Variants in STXBP3 observed in about 807,000 individuals in gnomAD.
The protein encoded by STXBP3 is syntaxin binding protein 3.
A neutral mutation model predicts 85.7 loss-of-function variants in STXBP3; 41 were observed. The ratio of observed to expected loss-of-function variants is 0.48; its 90% confidence interval spans 0.37 to 0.62. The LOEUF (loss-of-function observed/expected upper bound fraction) is 0.62, where lower values mean the gene tolerates loss of function less well. Ranked by LOEUF, STXBP3 falls within the 20% of genes least tolerant of loss-of-function variation. The probability of loss-of-function intolerance (pLI) is 0.00; values close to 1 mark genes in which losing one functional copy is unlikely to be tolerated. For missense variants in STXBP3, 563 were observed against 703.1 expected (o/e 0.80, Z 2.25); for synonymous variants, 229 against 231.7 (o/e 0.99, Z 0.10).
chr1:108,803,333 C>A (rs1557816556), intron 17 of STXBP3, among the ~76,000 whole-genome samples: 1 of 149,922 alleles, frequency 6.7e-6, no homozygotes, highest in Non-Finnish European at 1.5e-5. Flanking sequence ...ATCTTTTTTA[C>A]CCCCCATATT....
rs528068832 is a variant in STXBP3 at position 108,769,984 on chromosome 1, C to T, written c.439-2681C>T. Among the ~76,000 whole-genome samples, 8 of 152,224 alleles carry T rather than the reference C, an allele frequency of 5.3e-5. No homozygotes were observed. The South Asian group carries it at 1.2e-3, about 24-fold the overall frequency. Reference sequence around the variant, plus strand: ...TTAAAGCTTCTGCTGGGAAGTGGCACGTGTATCTTCTACATACATTCCAGG... The same window carrying T: ...TTAAAGCTTCTGCTGGGAAGTGGCATGTGTATCTTCTACATACATTCCAGG... On this transcript the variant is annotated intron_variant, in intron 6 of 18. Coordinates refer to ENST00000370008, the MANE Select transcript of STXBP3 (RefSeq NM_007269.4).
intron 11 of STXBP3, among the ~76,000 whole-genome samples, chr1:108,790,077 G>GT (rs748893140): frequency 1.3e-5 from 2 of 150,722 alleles, no homozygotes; most frequent in African/African-American, 2.4e-5. Context: ...TATAAATTCT[G>GT]TATGTGTCAG....
chr1:108,805,447 C>T (rs904129662), intron 17 of STXBP3, among the ~76,000 whole-genome samples: 5 of 117,078 alleles, frequency 4.3e-5, no homozygotes, highest in Admixed American at 1.1e-4. Flanking sequence ...TTTTTTGAGA[C>T]GGAGTCTCGC....
intron 14 of STXBP3, 109 bp from the exon 15 acceptor site, chr1:108,796,511 T>C: frequency 8.4e-7 from 1 of 1,187,670 alleles, no homozygotes; most frequent in Non-Finnish European, 1.2e-6. Context: ...GGAGATATAA[T>C]TTGACTGTTT....
At chr1:108,771,243 A>G (rs1662390917) in intron 6 of STXBP3, among the ~76,000 whole-genome samples, 1 of 149,776 alleles carries the variant, frequency 6.7e-6, no homozygotes, top group African/African-American at 2.5e-5. Flanking sequence ...AAAGGATGAA[A>G]TCAGGATGAC....
intron 1 of STXBP3, among the ~76,000 whole-genome samples, chr1:108,750,322 G>C (rs1269595339): frequency 6.6e-6 from 1 of 151,976 alleles, no homozygotes; most frequent in Non-Finnish European, 1.5e-5. Flanking sequence ...TTGCCTGTAG[G>C]GTTCTAGAAG....
intron 9 of STXBP3, 92 bp from the exon 10 acceptor site, chr1:108,782,330 G>A: frequency 1.2e-5 from 12 of 973,328 alleles, no homozygotes; most frequent in Admixed American, 2.6e-5. Flanking sequence ...AGTTTCTTGA[G>A]TTGTGTCTTG....
At chr1:108,808,658 C>A in intron 18 of STXBP3, 125 bp from the exon 19 acceptor site, 1 of 739,876 alleles carries the variant, frequency 1.4e-6, no homozygotes, top group Non-Finnish European at 2.3e-6. Flanking sequence ...AGATGTCTTA[C>A]AGAAATTTTG....
intron 1 of STXBP3, among the ~76,000 whole-genome samples, 165 bp downstream of exon 1, chr1:108,746,951 T>C (rs1661797902): frequency 6.6e-6 from 1 of 152,132 alleles, no homozygotes; most frequent in Non-Finnish European, 1.5e-5. Flanking sequence ...CCTGCCTTAT[T>C]CCTTGCCAGC....
rs576924991 is a variant in STXBP3 at position 108,752,414 on chromosome 1, A to C, written c.99+108A>C. On this transcript the variant is annotated intron_variant, in intron 2 of 18. Transcript: ENST00000370008. ...TGGTATTAGGTATTCTAGTATAAGT[A>C]ATCTAAAGATAATTTGACGTATGTG... 41 of 1,008,840 alleles carry C rather than the reference A, an allele frequency of 4.1e-5. No homozygotes were observed. In the African/African-American group the frequency reaches 5.3e-4, roughly 13 times the overall value. The allele number at this position is 1,008,840 out of a possible 1,614,324, so 62.5% of individuals were successfully genotyped here.
chr1:108,788,904 A>T (rs950578272), intron 11 of STXBP3, among the ~76,000 whole-genome samples: 10 of 152,096 alleles, frequency 6.6e-5, no homozygotes, highest in African/African-American at 2.4e-4. Context: ...TCTACTAAAA[A>T]AAATACAAAA....
At chr1:108,769,663 A>G (rs1358034019) in intron 6 of STXBP3, among the ~76,000 whole-genome samples, 5 of 152,172 alleles carry the variant, frequency 3.3e-5, no homozygotes, top group Non-Finnish European at 5.9e-5. Context: ...GGTGATGGAA[A>G]GTGGGGAGGA....
In STXBP3 at chr1:108,794,862, G is replaced by T; in HGVS notation, c.1065G>T (p.Met355Ile). 1 of 1,610,702 alleles carries T rather than the reference G, an allele frequency of 6.2e-7. No homozygotes were observed. The highest frequency in any genetic ancestry group is 1.1e-5 in the South Asian group (1 of 90,532). The change falls in exon 13 of 19, where the codon ATG becomes ATT. Residue 355 changes from methionine to isoleucine, a missense_variant. Coordinates refer to ENST00000370008, the MANE Select transcript of STXBP3 (RefSeq NM_007269.4). ...ATCTTAACTTAGCAGAAGATTGCAT[G>T]AATAAGTTCAAGCTTAATATAGAAA... ...VVHLNLAEDC[M>I]NKFKLNIEKL...
chr1:108,763,643 T>G (rs1377056262), intron 6 of STXBP3, among the ~76,000 whole-genome samples: 1 of 152,116 alleles, frequency 6.6e-6, no homozygotes, highest in African/African-American at 2.4e-5. Context: ...TGGCGCGATC[T>G]CAGCTCACTG....
At chr1:108,750,032 G>C (rs1323030403) in intron 1 of STXBP3, among the ~76,000 whole-genome samples, 2 of 152,056 alleles carry the variant, frequency 1.3e-5, no homozygotes. Flanking sequence ...GTGCTCAATA[G>C]CCAGATATGG....
intron 11 of STXBP3, among the ~76,000 whole-genome samples, chr1:108,786,697 G>A (rs1327465714): frequency 1.3e-5 from 2 of 152,176 alleles, no homozygotes; most frequent in Non-Finnish European, 2.9e-5. Context: ...CTTTGTAATG[G>A]TTTTGAAATT....
intron 15 of STXBP3, among the ~76,000 whole-genome samples, chr1:108,797,345 AAAAAAC>A (rs1473547284): frequency 6.6e-5 from 10 of 151,616 alleles, no homozygotes; most frequent in African/African-American, 1.9e-4. Flanking sequence ...GTCTCAAAAA[AAAAAAC>A]AAAAAAAAAA....
At chr1:108,802,012 C>T (rs1557816167) in intron 17 of STXBP3, among the ~76,000 whole-genome samples, 2 of 152,238 alleles carry the variant, frequency 1.3e-5, no homozygotes, top group East Asian at 1.9e-4. Context: ...CAGGTTTTCC[C>T]CACACATGCA....
At chr1:108,784,677 AC>A (rs150866759) in intron 11 of STXBP3, among the ~76,000 whole-genome samples, 3,931 of 152,064 alleles carry the variant, frequency 0.026, 184 homozygotes, top group African/African-American at 0.089. Flanking sequence ...TCCAGCATTA[AC>A]CCAAAAGTCC....
Sources: allele counts gnomAD v4.1 joint callset (sites outside exome capture counted in the v4.1 genomes callset), GRCh38; gene constraint gnomAD v4.1.1; transcripts MANE v1.5; gene names NCBI Gene and HGNC (gene_info 2026-07-23, HGNC 2026-07-21).